HEMK2: variants seen among roughly 807,000 people sequenced by gnomAD.
HEMK2 encodes the protein HemK methyltransferase 2, ETF1 glutamine and histone H4 lysine, also known as methyltransferase HEMK2.
the HEMK2 span, among the ~76,000 whole-genome samples, chr21:28,635,016 C>T: frequency 2.0e-5 from 3 of 151,580 alleles, no homozygotes; most frequent in African/African-American, 7.3e-5. Context: ...GTTTATCACG[C>T]AGGTAAATGC....
At chr21:28,770,778 T>G in the HEMK2 span, among the ~76,000 whole-genome samples, 1 of 152,110 alleles carries the variant, frequency 6.6e-6, no homozygotes. Context: ...TCCAGAACCA[T>G]GAGCCAAACA....
chr21:28,812,528 G>C, the HEMK2 span, among the ~76,000 whole-genome samples: 1 of 152,210 alleles, frequency 6.6e-6, no homozygotes, highest in South Asian at 2.1e-4. Flanking sequence ...TGTGCTGCTA[G>C]ATTCGGTTTG....
the HEMK2 span, among the ~76,000 whole-genome samples, chr21:28,704,550 G>A: frequency 9.8e-6 from 1 of 102,204 alleles, no homozygotes; most frequent in Non-Finnish European, 1.8e-5. Context: ...GTTCCAGAAG[G>A]TTTTGGCAAA....
the HEMK2 span, among the ~76,000 whole-genome samples, chr21:28,725,551 C>CA: frequency 6.6e-6 from 1 of 152,168 alleles, no homozygotes; most frequent in African/African-American, 2.4e-5. Context: ...AACCACACAT[C>CA]AACAGCTTTC....
the HEMK2 span, among the ~76,000 whole-genome samples, chr21:28,877,284 GGA>G: frequency 0.16 from 21,663 of 132,194 alleles, 2,050 homozygotes; most frequent in South Asian, 0.22. Flanking sequence ...AAGGAAGGAA[GGA>G]AGGAAGGAAG....
chr21:28,626,017 A>G, the HEMK2 span, among the ~76,000 whole-genome samples: 1 of 152,218 alleles, frequency 6.6e-6, no homozygotes, highest in African/African-American at 2.4e-5. Flanking sequence ...GAAAAAAATG[A>G]TATCAAATAG....
the HEMK2 span, among the ~76,000 whole-genome samples, chr21:28,620,660 C>CTTTTTTTTTTTTTTTTTTTTTTTTTTT: frequency 4.0e-4 from 20 of 49,642 alleles, 4 homozygotes; most frequent in Non-Finnish European, 4.9e-4. Flanking sequence ...TCTCTCTTTT[C>CTTTTTTTTTTTTTTTTTTTTTTTTTTT]TTTTTTTTTT....
the HEMK2 span, among the ~76,000 whole-genome samples, chr21:28,854,556 G>C: frequency 6.6e-6 from 1 of 152,058 alleles, no homozygotes; most frequent in Non-Finnish European, 1.5e-5. Flanking sequence ...GATTTACTAA[G>C]TATTAACTCA....
the HEMK2 span, among the ~76,000 whole-genome samples, chr21:28,860,418 G>A: frequency 3.1e-3 from 473 of 151,274 alleles, 5 homozygotes; most frequent in African/African-American, 0.011. Context: ...TTGTGATTGT[G>A]TGAGTTAAAC....
At chr21:28,802,848 AAAAT>A in the HEMK2 span, among the ~76,000 whole-genome samples, 16 of 152,364 alleles carry the variant, frequency 1.1e-4, no homozygotes, top group South Asian at 4.1e-4. Context: ...TTTTAACTTA[AAAAT>A]AAATAAATGA....
the HEMK2 span, among the ~76,000 whole-genome samples, chr21:28,858,192 G>C: frequency 2.0e-3 from 300 of 152,296 alleles, 2 homozygotes; most frequent in Non-Finnish European, 3.6e-3. Context: ...ATAGCAAATA[G>C]CTATGATTTG....
At chr21:28,765,725 T>A in the HEMK2 span, among the ~76,000 whole-genome samples, 14,432 of 152,034 alleles carry the variant, frequency 0.095, 1,620 homozygotes, top group African/African-American at 0.26. Flanking sequence ...TGTGCCCCTG[T>A]AGGTCAGAAT....
chr21:28,788,191 C>G, the HEMK2 span, among the ~76,000 whole-genome samples: 7 of 110,980 alleles, frequency 6.3e-5, no homozygotes, highest in African/African-American at 4.1e-4. Flanking sequence ...CACATATATA[C>G]GTATATACGT....
chr21:28,717,023 T>A, the HEMK2 span, among the ~76,000 whole-genome samples: 1 of 152,186 alleles, frequency 6.6e-6, no homozygotes, highest in Non-Finnish European at 1.5e-5. Flanking sequence ...AGCTTGCTAG[T>A]ATTTTGTTGA....
the HEMK2 span, among the ~76,000 whole-genome samples, chr21:28,596,907 A>G: frequency 6.6e-6 from 1 of 152,174 alleles, no homozygotes; most frequent in Non-Finnish European, 1.5e-5. Context: ...AATAATACAT[A>G]ATTAGAATTA....
At chr21:28,789,294 TA>T in the HEMK2 span, among the ~76,000 whole-genome samples, 2 of 152,096 alleles carry the variant, frequency 1.3e-5, no homozygotes, top group South Asian at 2.1e-4. Flanking sequence ...TTTGAGGATG[TA>T]AGATTGGCTG....
the HEMK2 span, among the ~76,000 whole-genome samples, chr21:28,768,207 T>C: frequency 6.6e-6 from 1 of 152,106 alleles, no homozygotes; most frequent in African/African-American, 2.4e-5. Context: ...GAGCCACGCA[T>C]CATGCCATGG....
the HEMK2 span, among the ~76,000 whole-genome samples, chr21:28,838,162 AAAG>A: frequency 6.6e-6 from 1 of 152,194 alleles, no homozygotes; most frequent in African/African-American, 2.4e-5. Context: ...CAAGATAAAG[AAAG>A]AAGGAACCAT....
the HEMK2 span, among the ~76,000 whole-genome samples, chr21:28,820,593 CT>C: frequency 6.6e-6 from 1 of 152,160 alleles, no homozygotes; most frequent in African/African-American, 2.4e-5. Flanking sequence ...ATATAAACAC[CT>C]GTATCCCATT....
Sources: gnomAD v4.1 joint callset for allele counts (sites outside exome capture counted in the v4.1 genomes callset) on GRCh38, gnomAD v4.1.1 for gene constraint, MANE v1.5 for transcripts, NCBI Gene and HGNC (gene_info 2026-07-23, HGNC 2026-07-21) for gene names.